STK39: variants seen among roughly 807,000 people sequenced by gnomAD.
STK39 encodes the protein serine/threonine kinase 39, also known as STE20/SPS1-related proline-alanine-rich protein kinase.
A neutral mutation model predicts 77.8 loss-of-function variants in STK39; 20 were observed. That is an observed-to-expected ratio of 0.26 (90% CI 0.18 to 0.37). The LOEUF is 0.37. Among genes scored for constraint, STK39 ranks in the 10% least tolerant of loss-of-function variants. STK39 has a pLI of 1.00. For missense variants in STK39, 479 were observed against 656.5 expected (o/e 0.73, Z 2.95); for synonymous variants, 246 against 234.1 (o/e 1.05, Z -0.47).
chr2:168,140,709 A>G lies in STK39; in HGVS notation c.678T>C (p.Asn226=). The change falls in exon 6 of 18, where the codon AAT becomes AAC. Residue 226 remains asparagine (N), a synonymous_variant. Coordinates refer to ENST00000355999, the MANE Select transcript of STK39 (RefSeq NM_013233.3). The part of the protein sequence containing the change: ...FLATGGDVTR[N]KVRKTFVGTP... Reference sequence around the variant, plus strand: ...TGCCAACGAATGTTTTTCTTACTTTATTTCGGGTAACATCACCCCCTGTTG... The same window carrying G: ...TGCCAACGAATGTTTTTCTTACTTTGTTTCGGGTAACATCACCCCCTGTTG... The G allele has an allele frequency of 6.2e-7, 1 of 1,611,556 alleles. No homozygotes were observed. Among genetic ancestry groups the G allele is most frequent in the Non-Finnish European group, 8.5e-7 (1 of 1,178,250 alleles).
intron 1 of STK39, among the ~76,000 whole-genome samples, chr2:168,198,382 C>T (rs1004587141): frequency 5.3e-5 from 8 of 152,072 alleles, no homozygotes; most frequent in Admixed American, 2.0e-4. Flanking sequence ...ATCTCAGTGT[C>T]GTGTAATAAT....
At chr2:168,100,708 T>C (rs1686800803) in intron 10 of STK39, among the ~76,000 whole-genome samples, 1 of 152,090 alleles carries the variant, frequency 6.6e-6, no homozygotes, top group African/African-American at 2.4e-5. Context: ...TACAAAAAAC[T>C]TAATGCTGGA....
At chr2:168,141,621 T>C (rs1247684507) in intron 5 of STK39, among the ~76,000 whole-genome samples, 1 of 152,222 alleles carries the variant, frequency 6.6e-6, no homozygotes, top group Non-Finnish European at 1.5e-5. Context: ...TACTCAAGAC[T>C]AGTGTACCTA....
chr2:168,209,683 G>C (rs1261694329), intron 1 of STK39, among the ~76,000 whole-genome samples: 1 of 151,634 alleles, frequency 6.6e-6, no homozygotes, highest in Non-Finnish European at 1.5e-5. Context: ...CTCTGTCTCA[G>C]AAACAAACGA....
At chr2:168,222,668 T>C (rs1690204115) in intron 1 of STK39, among the ~76,000 whole-genome samples, 1 of 152,156 alleles carries the variant, frequency 6.6e-6, no homozygotes, top group Non-Finnish European at 1.5e-5. Flanking sequence ...AAATATAAGG[T>C]TTGAAAAGAG....
rs1440806050 is a variant in STK39 at position 167,954,588 on chromosome 2, A to G, written c.*908T>C. ...ATCTAACAGAATGGCAACATTTTAC[A>G]TAGCATTCTAAACGGTCCAATGAAG... On this transcript the variant is annotated 3_prime_UTR_variant, in exon 18 of 18. Transcript: ENST00000355999. 2 of 152,664 alleles carry G rather than the reference A, an allele frequency of 1.3e-5. No individual in the cohort carries two copies. Among genetic ancestry groups the G allele is most frequent in the Non-Finnish European group, 2.9e-5 (2 of 68,050 alleles). The allele number at this position is 152,664 out of a possible 1,614,324, so 9.5% of individuals were successfully genotyped here.
At chr2:168,086,059 G>A (rs1686359159) in intron 10 of STK39, among the ~76,000 whole-genome samples, 1 of 152,170 alleles carries the variant, frequency 6.6e-6, no homozygotes, top group East Asian at 1.9e-4. Context: ...CAGAAACTGG[G>A]AGACTTACTA....
chr2:167,983,435 CAA>C (rs1388654343), intron 16 of STK39, among the ~76,000 whole-genome samples: 13 of 99,496 alleles, frequency 1.3e-4, no homozygotes, highest in Admixed American at 4.5e-4. Flanking sequence ...GCCTGCGCAA[CAA>C]GAGTGAAACT....
chr2:168,081,844 T>C (rs530575247), intron 10 of STK39, among the ~76,000 whole-genome samples: 5 of 152,236 alleles, frequency 3.3e-5, no homozygotes, highest in South Asian at 4.1e-4. Flanking sequence ...AAAAGAGAAG[T>C]TCCCCTGCAC....
At chr2:168,167,702 A>G (rs1688725005) in intron 2 of STK39, among the ~76,000 whole-genome samples, 1 of 152,164 alleles carries the variant, frequency 6.6e-6, no homozygotes, top group African/African-American at 2.4e-5. Context: ...GCCAGCAGAG[A>G]GCCCTGCCAC....
chr2:167,959,810 T>C lies in STK39; in HGVS notation c.1564-4240A>G, dbSNP rs1451688660. Among the ~76,000 whole-genome samples, 6 of 152,296 alleles carry C rather than the reference T, an allele frequency of 3.9e-5. No homozygotes were observed. In the South Asian group the frequency reaches 1.0e-3, roughly 26 times the overall value. ...CTGGCTCTGAGGAACACAGTGACTA[T>C]TAGTGCAGTCTGATGTTGCTGCATG... On this transcript the variant is annotated intron_variant, in intron 17 of 17. Coordinates refer to ENST00000355999, the MANE Select transcript of STK39 (RefSeq NM_013233.3).
intron 1 of STK39, among the ~76,000 whole-genome samples, chr2:168,234,490 G>A (rs570968302): frequency 1.3e-5 from 2 of 152,228 alleles, no homozygotes; most frequent in South Asian, 2.1e-4. Flanking sequence ...TATCAGCCCC[G>A]CATAAGGGAC....
intron 17 of STK39, among the ~76,000 whole-genome samples, chr2:167,959,032 G>A (rs945923868): frequency 1.3e-5 from 2 of 152,090 alleles, no homozygotes; most frequent in African/African-American, 4.8e-5. Flanking sequence ...TTACAGTAGC[G>A]ATACAAGTTT....
At chr2:168,072,322 A>G (rs1180185142) in intron 12 of STK39, among the ~76,000 whole-genome samples, 1 of 152,192 alleles carries the variant, frequency 6.6e-6, no homozygotes, top group African/African-American at 2.4e-5. Context: ...GGAGCAGGAT[A>G]AAAGCGGTCT....
chr2:168,209,856 A>G (rs10207243), intron 1 of STK39, among the ~76,000 whole-genome samples: 150,413 of 152,126 alleles, frequency 0.99, 74,360 homozygotes, highest in Middle Eastern at 1. Context: ...AAAACTAATC[A>G]GGCGTGGTGG....
intron 1 of STK39, among the ~76,000 whole-genome samples, chr2:168,201,620 C>T (rs985371000): frequency 1.2e-4 from 18 of 152,172 alleles, no homozygotes; most frequent in Admixed American, 7.2e-4. Context: ...AAATAATTTA[C>T]GAGTAGAAGG....
At chr2:168,105,598 T>C (rs1466653620) in intron 10 of STK39, among the ~76,000 whole-genome samples, 2 of 152,184 alleles carry the variant, frequency 1.3e-5, no homozygotes. Flanking sequence ...CTGTACACCC[T>C]GGAAAATTAA....
intron 2 of STK39, among the ~76,000 whole-genome samples, chr2:168,176,643 A>T (rs369078080): frequency 8.9e-4 from 135 of 152,328 alleles, no homozygotes; most frequent in African/African-American, 3.2e-3. Context: ...TCTTGATTTT[A>T]TCTATAAATA....
chr2:168,101,016 A>G (rs987327023), intron 10 of STK39, among the ~76,000 whole-genome samples: 1 of 152,218 alleles, frequency 6.6e-6, no homozygotes, highest in Non-Finnish European at 1.5e-5. Context: ...ACCATGGAAT[A>G]CTATGCAGCC....
Sources: gnomAD v4.1 joint callset for allele counts (sites outside exome capture counted in the v4.1 genomes callset) on GRCh38, gnomAD v4.1.1 for gene constraint, MANE v1.5 for transcripts, NCBI Gene and HGNC (gene_info 2026-07-23, HGNC 2026-07-21) for gene names.